The following FSHR variants were observed in gnomAD, a reference collection of about 807,000 sequenced individuals.
The protein encoded by FSHR is follicle stimulating hormone receptor, also known as follicle-stimulating hormone receptor.
FSHR carries 46 observed loss-of-function variants against 52.1 expected under a neutral mutation model. The ratio of observed to expected loss-of-function variants is 0.88; its 90% confidence interval spans 0.70 to 1.13. The LOEUF (loss-of-function observed/expected upper bound fraction) is 1.13. FSHR is among the 50% of genes most tolerant of loss of function. FSHR has a pLI of 0.00. For synonymous variants in FSHR, 399 were observed against 309.6 expected, an observed-to-expected ratio of 1.29 and a Z score of -3.03; for missense variants, 964 against 834.6, an observed-to-expected ratio of 1.16 and a Z score of -1.91.
At chr2:49,149,706 CTAA>C (rs1672995322) in intron 1 of FSHR, among the ~76,000 whole-genome samples, 1 of 151,864 alleles carries the variant, frequency 6.6e-6, no homozygotes, top group Non-Finnish European at 1.5e-5. Flanking sequence ...TTTAAAATTC[CTAA>C]TAATAATCTG....
chr2:48,973,143 G>T (rs1674817975), intron 8 of FSHR, among the ~76,000 whole-genome samples: 2 of 152,158 alleles, frequency 1.3e-5, no homozygotes, highest in Admixed American at 1.3e-4. Context: ...GTCTTCAGCT[G>T]CCATGAAAGA....
intron 4 of FSHR, chr2:48,997,463 A>G (rs1452424972): frequency 2.3e-6 from 2 of 876,578 alleles, no homozygotes; most frequent in African/African-American, 1.8e-5. Context: ...TAGATTTGCA[A>G]TCAGCCTCTG....
At chr2:48,976,840 A>AT (rs1675012657) in intron 8 of FSHR, among the ~76,000 whole-genome samples, 1 of 152,004 alleles carries the variant, frequency 6.6e-6, no homozygotes, top group Admixed American at 6.6e-5. Flanking sequence ...CTCCTTTATC[A>AT]TTTTTTATTG....
At chr2:49,044,814 C>G (rs1668598777) in intron 2 of FSHR, among the ~76,000 whole-genome samples, 1 of 152,184 alleles carries the variant, frequency 6.6e-6, no homozygotes, top group Non-Finnish European at 1.5e-5. Flanking sequence ...GACATAATGG[C>G]TATATTTAGA....
chr2:49,009,253 A>T (rs913628978), intron 4 of FSHR, among the ~76,000 whole-genome samples: 4 of 25,032 alleles, frequency 1.6e-4, no homozygotes, highest in Non-Finnish European at 2.5e-4. Context: ...ATGGCTAGCC[A>T]GTTTTCCCAG....
chr2:49,065,954 C>G (rs1394651747), intron 2 of FSHR, among the ~76,000 whole-genome samples: 3 of 152,014 alleles, frequency 2.0e-5, no homozygotes, highest in African/African-American at 7.2e-5. Flanking sequence ...AATTTAAAGA[C>G]TACATATAAG....
rs555563498 is a variant in FSHR at position 49,032,346 on chromosome 2, C to G, written c.225-12186G>C. On this transcript the variant is annotated intron_variant, in intron 2 of 9. Coordinates refer to ENST00000406846, the MANE Select transcript of FSHR (RefSeq NM_000145.4). ...GGCAACTGTCACATTCTCCATAATA[C>G]CAGGCCCCTCAAATCACACTTGGCA... 2.6e-5 allele frequency among the ~76,000 whole-genome samples: 4 copies of G among 152,284 alleles called. No homozygotes were observed. In the South Asian group the frequency reaches 8.3e-4, roughly 32 times the overall value.
At chr2:49,072,065 T>A (rs188916270) in intron 1 of FSHR, among the ~76,000 whole-genome samples, 33 of 152,238 alleles carry the variant, frequency 2.2e-4, no homozygotes, top group African/African-American at 7.9e-4. Flanking sequence ...TAAAAACATA[T>A]TGACCAAGAA....
chr2:49,133,905 T>C (rs1304723954), intron 1 of FSHR, among the ~76,000 whole-genome samples: 1 of 152,176 alleles, frequency 6.6e-6, no homozygotes, highest in Non-Finnish European at 1.5e-5. Flanking sequence ...TTACACCTTA[T>C]ACAAAAGTTA....
chr2:49,058,032 C>T (rs1669129353), intron 2 of FSHR, among the ~76,000 whole-genome samples: 1 of 152,106 alleles, frequency 6.6e-6, no homozygotes, highest in South Asian at 2.1e-4. Flanking sequence ...TCAATAAAGG[C>T]CATATATGAC....
intron 2 of FSHR, among the ~76,000 whole-genome samples, chr2:49,047,769 A>T (rs1668713546): frequency 6.6e-6 from 1 of 152,220 alleles, no homozygotes; most frequent in African/African-American, 2.4e-5. Flanking sequence ...CAAGATTTAA[A>T]AACCTGAGAG....
intron 2 of FSHR, among the ~76,000 whole-genome samples, chr2:49,044,290 G>A (rs1454664193): frequency 6.6e-6 from 1 of 152,160 alleles, no homozygotes; most frequent in African/African-American, 2.4e-5. Flanking sequence ...TTGGTGAGGA[G>A]CACCTATTTT....
At chr2:49,141,618 G>A (rs1456061882) in intron 1 of FSHR, among the ~76,000 whole-genome samples, 1 of 152,122 alleles carries the variant, frequency 6.6e-6, no homozygotes, top group Non-Finnish European at 1.5e-5. Flanking sequence ...GAGATTTAGA[G>A]GGGACACACA....
At chr2:49,012,751 T>G (rs1015799090) in intron 4 of FSHR, among the ~76,000 whole-genome samples, 2 of 152,152 alleles carry the variant, frequency 1.3e-5, no homozygotes, top group African/African-American at 4.8e-5. Context: ...TTTTTTCTCT[T>G]GAAGCAAGTA....
At chr2:49,148,430 G>A (rs1386163302) in intron 1 of FSHR, among the ~76,000 whole-genome samples, 1 of 152,004 alleles carries the variant, frequency 6.6e-6, no homozygotes, top group Non-Finnish European at 1.5e-5. Context: ...ATTCAATACT[G>A]AGGAGCAGAG....
At position 48,962,390 on chromosome 2, in the gene FSHR, A is replaced by T. The variant is rs1378015703; in HGVS notation, c.*343T>A. The T allele has an allele frequency of 7.2e-6, 2 of 278,180 alleles. No homozygotes were observed. The highest frequency in any genetic ancestry group is 4.4e-5 in the African/African-American group (2 of 44,948). 17.2% of individuals were successfully genotyped at this position (278,180 alleles called of 1,614,324 possible). On this transcript the variant is annotated 3_prime_UTR_variant, in exon 10 of 10. Coordinates refer to ENST00000406846, the MANE Select transcript of FSHR (RefSeq NM_000145.4). ...TAACTCTTTGAGTCGTGGTTTCCTC[A>T]TTTGTAAAACTCCAAGAATAATCCC...
chr2:49,008,114 T>G (rs1044823557), intron 4 of FSHR, among the ~76,000 whole-genome samples: 3 of 149,684 alleles, frequency 2.0e-5, no homozygotes, highest in African/African-American at 7.4e-5. Flanking sequence ...GCCATGCTGG[T>G]GCACTGCACC....
chr2:49,145,367 C>T (rs1362426900), intron 1 of FSHR, among the ~76,000 whole-genome samples: 1 of 152,038 alleles, frequency 6.6e-6, no homozygotes, highest in Non-Finnish European at 1.5e-5. Flanking sequence ...CAGGTCTGTG[C>T]CCTTCTTATA....
intron 2 of FSHR, among the ~76,000 whole-genome samples, chr2:49,027,507 A>G (rs1043726351): frequency 6.6e-6 from 1 of 152,158 alleles, no homozygotes; most frequent in African/African-American, 2.4e-5. Flanking sequence ...GGAGCCATGC[A>G]TAGGATAATT....
Sources: allele counts gnomAD v4.1 joint callset (sites outside exome capture counted in the v4.1 genomes callset), GRCh38; gene constraint gnomAD v4.1.1; transcripts MANE v1.5; gene names NCBI Gene and HGNC (gene_info 2026-07-23, HGNC 2026-07-21).